Variants in CAMTA1 observed in about 807,000 individuals in gnomAD.
The protein encoded by CAMTA1 is calmodulin-binding transcription activator 1.
A neutral mutation model predicts 170.9 loss-of-function variants in CAMTA1; 27 were observed. The ratio of observed to expected loss-of-function variants is 0.16; its 90% CI spans 0.12 to 0.22. The LOEUF (loss-of-function observed/expected upper bound fraction) is 0.22, where lower values mean the gene tolerates loss of function less well. CAMTA1 is among the 10% of genes least tolerant of loss of function. The pLI, the probability that CAMTA1 is intolerant of heterozygous loss-of-function variation, is 1.00. For synonymous variants in CAMTA1, 833 were observed against 891.5 expected (o/e 0.93, Z 1.17); for missense variants, 1,619 against 2,217.2 (o/e 0.73, Z 5.42).
At chr1:6,792,311 A>G (rs1229869299) in intron 1 of CAMTA1, among the ~76,000 whole-genome samples, 22 of 151,638 alleles carry the variant, frequency 1.5e-4, no homozygotes. Flanking sequence ...GTGATGGGAC[A>G]AAGTAAAGGG....
At position 7,768,866 on chromosome 1, in the gene CAMTA1, T is replaced by C. The variant is rs2097039402; in HGVS notation, c.*2375T>C. The C allele has an allele frequency of 6.6e-6, 1 of 152,384 alleles. No homozygotes were observed. The highest frequency in any genetic ancestry group is 1.5e-5 in the Non-Finnish European group (1 of 68,024). The allele number at this position is 152,384 out of a possible 1,614,324, so 9.4% of individuals were successfully genotyped here. A position where few individuals can be genotyped will look rare whatever the true frequency, so the allele number is the denominator to read the frequency against. ...ACACAACTGCATTCATAAATGGGAA[T>C]AGAACGTGAAAGCCAGCTCTTTCAG... is the stretch of plus-strand genomic sequence containing the variant. On this transcript the variant is annotated 3_prime_UTR_variant, in exon 23 of 23. Coordinates refer to ENST00000303635, the MANE Select transcript of CAMTA1 (RefSeq NM_015215.4).
rs955346986 is a variant in CAMTA1, at chr1:7,014,621, C to T, written c.235-76683C>T. 1.3e-5 allele frequency among the ~76,000 whole-genome samples: 2 copies of T among 152,142 alleles called. No individual in the cohort carries two copies. Among genetic ancestry groups the T allele is most frequent in the Non-Finnish European group, 2.9e-5 (2 of 68,012 alleles). On this transcript the variant is annotated intron_variant, in intron 3 of 22. Transcript: ENST00000303635. The surrounding 1 kb of genome is among the most constrained non-coding windows in gnomAD (Gnocchi z 4.2). The stretch of plus-strand genomic sequence containing the variant: ...AGCAAAACAGCGTGCGAGCTTGGTC[C>T]CTTAACACGGAGTCTGGAATTGTTT...
At chr1:6,904,692 C>T (rs34807260) in intron 3 of CAMTA1, among the ~76,000 whole-genome samples, 9,428 of 146,298 alleles carry the variant, frequency 0.064, 331 homozygotes, top group Middle Eastern at 0.1. Flanking sequence ...CTCAGCCACT[C>T]GATATCTGGA....
chr1:7,109,783 T>C (rs1643901699), intron 4 of CAMTA1, among the ~76,000 whole-genome samples: 1 of 152,188 alleles, frequency 6.6e-6, no homozygotes, highest in Non-Finnish European at 1.5e-5. Flanking sequence ...GTTTGAGGAC[T>C]GGGGGTCCTT....
Position 7,134,044 on chromosome 1 carries a change from C to T in CAMTA1, c.302+42673C>T, listed in dbSNP as rs114356682. Among the ~76,000 whole-genome samples the T allele has an allele frequency of 5.3e-3, 803 of 152,232 alleles. 7 individuals are homozygous for T. The highest frequency in any genetic ancestry group is 0.018 in the African/African-American group (759 of 41,538). On this transcript the variant is annotated intron_variant, in intron 4 of 22. Coordinates refer to ENST00000303635, the MANE Select transcript of CAMTA1 (RefSeq NM_015215.4). Reference sequence around the variant, plus strand: ...CAACAGGTAGTTTTTCCACCCACACCTCCCTCCCTGACTCCCCCCAGGTAG... The same window carrying T: ...CAACAGGTAGTTTTTCCACCCACACTTCCCTCCCTGACTCCCCCCAGGTAG...
At chr1:7,357,616 A>T (rs997590245) in intron 5 of CAMTA1, among the ~76,000 whole-genome samples, 1 of 152,324 alleles carries the variant, frequency 6.6e-6, no homozygotes, top group Admixed American at 6.5e-5. Context: ...TAAGCTATCC[A>T]AAAAATTTCA....
intron 4 of CAMTA1, among the ~76,000 whole-genome samples, chr1:7,188,189 C>A (rs546133402): frequency 1.3e-5 from 2 of 152,288 alleles, no homozygotes; most frequent in African/African-American, 4.8e-5. Context: ...TCACCTCCCA[C>A]CAGTCTCTCC....
At chr1:6,923,857 C>T (rs1358251295) in intron 3 of CAMTA1, among the ~76,000 whole-genome samples, 2 of 152,234 alleles carry the variant, frequency 1.3e-5, no homozygotes, top group African/African-American at 4.8e-5. Context: ...TCTGAATCCC[C>T]TAGACCTGCC....
At position 7,251,365 on chromosome 1, in the gene CAMTA1, C is replaced by T. The variant is rs182445475; in HGVS notation, c.438+1739C>T. Reference sequence around the variant, plus strand: ...ATTTGTGTTTGGAGTTATTTGTGTGCTCATACTTGCAGGCAACAGTCTGTC... The same window carrying T: ...ATTTGTGTTTGGAGTTATTTGTGTGTTCATACTTGCAGGCAACAGTCTGTC... On this transcript the variant is annotated intron_variant, in intron 5 of 22. Coordinates refer to ENST00000303635, the MANE Select transcript of CAMTA1 (RefSeq NM_015215.4). The surrounding 1 kb of genome is among the most constrained non-coding windows in gnomAD (Gnocchi z 5.1). 9.2e-5 allele frequency among the ~76,000 whole-genome samples: 14 copies of T among 152,274 alleles called. No homozygotes were observed. Among genetic ancestry groups the T allele is most frequent in the Middle Eastern group, 3.4e-3 (1 of 294 alleles).
chr1:7,220,307 A>T (rs1487757303), intron 4 of CAMTA1, among the ~76,000 whole-genome samples: 1 of 152,150 alleles, frequency 6.6e-6, no homozygotes, highest in East Asian at 1.9e-4. Context: ...GCCTCCTCGA[A>T]GGACAGGGAA....
chr1:7,335,811 C>T lies in CAMTA1; in HGVS notation c.438+86185C>T, dbSNP rs551281194. Among the ~76,000 whole-genome samples the T allele has an allele frequency of 2.0e-5, 3 of 150,442 alleles. No individual in the cohort carries two copies. In the East Asian group the frequency reaches 5.8e-4, roughly 29 times the overall value. On this transcript the variant is annotated intron_variant, in intron 5 of 22. Coordinates refer to ENST00000303635, the MANE Select transcript of CAMTA1 (RefSeq NM_015215.4). ...AAGGCAAAAACCAAGACCTCTGCAA[C>T]CTTGGTATTTGAAACACAGAACACG...
At chr1:7,273,452 A>T (rs567029281) in intron 5 of CAMTA1, among the ~76,000 whole-genome samples, 1 of 152,364 alleles carries the variant, frequency 6.6e-6, no homozygotes, top group South Asian at 2.1e-4. Context: ...ACGTTATTCT[A>T]AGTGAAAGAG....
chr1:6,900,161 A>G (rs1173710054), intron 3 of CAMTA1, among the ~76,000 whole-genome samples: 1 of 152,256 alleles, frequency 6.6e-6, no homozygotes, highest in Non-Finnish European at 1.5e-5. Flanking sequence ...GATACTAAAC[A>G]TATGCTGCTT....
intron 6 of CAMTA1, among the ~76,000 whole-genome samples, chr1:7,617,416 G>A (rs1049216010): frequency 2.0e-5 from 3 of 152,234 alleles, no homozygotes; most frequent in African/African-American, 7.2e-5. Flanking sequence ...CCCTCTGCCT[G>A]AAATGGCTCG....
Position 7,207,609 on chromosome 1 carries a change from G to C in CAMTA1, c.303-41882G>C, listed in dbSNP as rs1657985693. Among the ~76,000 whole-genome samples, 5 of 152,146 alleles carry C rather than the reference G, an allele frequency of 3.3e-5. No homozygotes were observed. In the South Asian group the frequency reaches 1.0e-3, roughly 32 times the overall value. On this transcript the variant is annotated intron_variant, in intron 4 of 22. Coordinates refer to ENST00000303635, the MANE Select transcript of CAMTA1 (RefSeq NM_015215.4). ...ATCTAGGATCAACCCTATTTCTAAA[G>C]GGGTACATTGCAGGATCCTGGGTCA...
intron 3 of CAMTA1, among the ~76,000 whole-genome samples, chr1:6,845,587 C>G (rs2148740098): frequency 6.6e-6 from 1 of 152,328 alleles, no homozygotes; most frequent in Middle Eastern, 3.4e-3. Context: ...TTAAACAAAA[C>G]TGCCACATGT....
chr1:6,862,129 C>T lies in CAMTA1; in HGVS notation c.234+36919C>T, dbSNP rs1664948764. ...AGGCTTCTGCCACAATGCCTGGCTACTTTTTATATTTTTAGTAGAGACAGG... is the reference window on the plus strand; with the variant it reads ...AGGCTTCTGCCACAATGCCTGGCTATTTTTTATATTTTTAGTAGAGACAGG... On this transcript the variant is annotated intron_variant, in intron 3 of 22. Transcript: ENST00000303635. Among the ~76,000 whole-genome samples the T allele has an allele frequency of 2.0e-5, 3 of 152,026 alleles. No individual in the cohort carries two copies. In the South Asian group the frequency reaches 6.2e-4, roughly 32 times the overall value.
chr1:7,584,348 G>A (rs1030005019), intron 6 of CAMTA1, among the ~76,000 whole-genome samples: 3 of 152,016 alleles, frequency 2.0e-5, no homozygotes, highest in East Asian at 2.0e-4. Flanking sequence ...GGGGGCTTCC[G>A]GCTGAACTGT....
At chr1:7,302,976 A>AG (rs1329092408) in intron 5 of CAMTA1, among the ~76,000 whole-genome samples, 4 of 152,154 alleles carry the variant, frequency 2.6e-5, no homozygotes, top group Admixed American at 2.6e-4. Flanking sequence ...GTGCTGTGGG[A>AG]GGCTAGGGTG....
Sources: allele counts gnomAD v4.1 joint callset (sites outside exome capture counted in the v4.1 genomes callset), GRCh38; gene constraint gnomAD v4.1.1; non-coding constraint Gnocchi (gnomAD v3.1); transcripts MANE v1.5; gene names NCBI Gene and HGNC (gene_info 2026-07-23, HGNC 2026-07-21).